BANP: variants seen among roughly 807,000 people sequenced by gnomAD.
BANP encodes the protein protein BANP.
Under a neutral mutation model 68.1 loss-of-function variants are expected in BANP, and 11 were observed. The ratio of observed to expected loss-of-function variants is 0.16; its 90% CI spans 0.10 to 0.27. The LOEUF (loss-of-function observed/expected upper bound fraction) is 0.27. Ranked by LOEUF, BANP falls within the 10% of genes least tolerant of loss-of-function variation. BANP has a pLI of 1.00. For missense variants in BANP, 504 were observed against 722.7 expected, an observed-to-expected ratio of 0.70 and a Z score of 3.47; for synonymous variants, 329 against 303.2, an observed-to-expected ratio of 1.09 and a Z score of -0.88.
At chr16:88,035,806 G>T (rs1356774963) in intron 10 of BANP, among the ~76,000 whole-genome samples, 1 of 152,236 alleles carries the variant, frequency 6.6e-6, no homozygotes, top group African/African-American at 2.4e-5. Flanking sequence ...GCTTCCTAGT[G>T]GCCTCTACGG....
At chr16:88,039,953 C>G (rs1170318246) in intron 11 of BANP, among the ~76,000 whole-genome samples, 3 of 152,238 alleles carry the variant, frequency 2.0e-5, no homozygotes, top group Admixed American at 2.0e-4. Flanking sequence ...AGCTGCCGTA[C>G]TACCACTTTT....
At position 88,068,765 on chromosome 16, in the gene BANP, G is replaced by C. The variant is rs552264755; in HGVS notation, c.1378-3304G>C. 1.1e-4 allele frequency among the ~76,000 whole-genome samples: 17 copies of C among 152,154 alleles called. No homozygotes were observed. The East Asian group carries it at 1.7e-3, about 16-fold the overall frequency. The stretch of plus-strand genomic sequence containing the variant: ...CCCCTTTCCAAGTGCAGCCTTGCCC[G>C]GTCTGTTCCCAGGCATCACTGAAAA... On this transcript the variant is annotated intron_variant, in intron 12 of 13. Transcript: ENST00000682872.
chr16:88,071,374 G>T lies in BANP; in HGVS notation c.1378-695G>T, dbSNP rs1013294766. ...GCCCAGTGGATTGAGTGGGAAGTGG[G>T]CCTGGGTGCTTACAGGCGATGGGGT... is the stretch of plus-strand genomic sequence containing the variant. On this transcript the variant is annotated intron_variant, in intron 12 of 13. Transcript: ENST00000682872. The surrounding 1 kb of genome is among the most constrained non-coding windows in gnomAD (Gnocchi z 6.5). The T allele has an allele frequency of 1.7e-5, 7 of 414,642 alleles. No homozygotes were observed. The highest frequency in any genetic ancestry group is 1.4e-4 in the African/African-American group (7 of 48,842). The allele number at this position is 414,642 out of a possible 1,614,324, so 25.7% of individuals were successfully genotyped here. A position where few individuals can be genotyped will look rare whatever the true frequency, so the allele number is the denominator to read the frequency against.
intron 8 of BANP, among the ~76,000 whole-genome samples, chr16:88,028,367 T>C (rs2077419208): frequency 6.6e-6 from 1 of 152,228 alleles, no homozygotes; most frequent in Admixed American, 6.5e-5. Context: ...GGGAACCCTT[T>C]GTTCTGGAAG....
chr16:87,983,963 A>G lies in BANP; in HGVS notation c.163-97A>G, dbSNP rs138417540. 1,506 of 1,432,956 alleles carry G rather than the reference A, an allele frequency of 1.1e-3. 19 individuals are homozygous for G. The African/African-American group carries it at 0.02, about 19-fold the overall frequency. 88.8% of individuals were successfully genotyped at this position (1,432,956 alleles called of 1,614,324 possible). A position where few individuals can be genotyped will look rare whatever the true frequency, so the allele number is the denominator to read the frequency against. On this transcript the variant is annotated intron_variant, in intron 3 of 13. Transcript: ENST00000682872. ...TGGGGATTGTTCTGTCTGAATAGATAGAGTTGAGATCAGGAAATAGCTGTT... is the reference window on the plus strand; with the variant it reads ...TGGGGATTGTTCTGTCTGAATAGATGGAGTTGAGATCAGGAAATAGCTGTT...
chr16:88,044,863 T>G (rs8049059), intron 11 of BANP, among the ~76,000 whole-genome samples: 37,791 of 151,850 alleles, frequency 0.25, 5,872 homozygotes, highest in African/African-American at 0.44. Flanking sequence ...GCGCCTGTAG[T>G]CTCAGCTACT....
chr16:88,063,190 G>A (rs554638501), intron 11 of BANP, among the ~76,000 whole-genome samples: 1 of 152,340 alleles, frequency 6.6e-6, no homozygotes, highest in East Asian at 1.9e-4. Context: ...ATTTCTGCGT[G>A]TTTCACGGCG....
intron 1 of BANP, chr16:87,952,462 A>C (rs1372870906): frequency 6.6e-6 from 1 of 152,242 alleles, no homozygotes; most frequent in Non-Finnish European, 1.5e-5. Context: ...AATGTACTCC[A>C]GGGCCTGATG....
In BANP at chr16:87,966,238, G is replaced by T. The variant is rs761816066; in HGVS notation, c.-68-8810G>T. On this transcript the variant is annotated intron_variant, in intron 1 of 13. Transcript: ENST00000682872. ...CACTCCTGTTCTGCTGTACATTCAG[G>T]GTGTTACTCTGGGCTGTAGGCCCTG... 9.2e-5 allele frequency among the ~76,000 whole-genome samples: 14 copies of T among 152,206 alleles called. No homozygotes were observed. The East Asian group carries it at 9.7e-4, about 10-fold the overall frequency.
At chr16:88,052,446 C>T (rs1041920322) in intron 11 of BANP, among the ~76,000 whole-genome samples, 4 of 152,080 alleles carry the variant, frequency 2.6e-5, no homozygotes, top group Non-Finnish European at 4.4e-5. Context: ...AGACAGTAGA[C>T]AGGAGCTTTT....
At chr16:87,999,066 C>T (rs924119470) in intron 4 of BANP, among the ~76,000 whole-genome samples, 1 of 142,032 alleles carries the variant, frequency 7.0e-6, no homozygotes, top group Non-Finnish European at 1.5e-5. Flanking sequence ...CCAGACACGT[C>T]TCCATGCACG....
chr16:87,980,880 C>T, intron 2 of BANP, 156 bp from the exon 3 acceptor site: 1 of 604,534 alleles, frequency 1.7e-6, no homozygotes, highest in Non-Finnish European at 2.9e-6. Context: ...GTTTTTCTGC[C>T]TGACTGAGAA....
intron 1 of BANP, among the ~76,000 whole-genome samples, chr16:87,964,814 G>A (rs953584522): frequency 6.6e-6 from 1 of 152,206 alleles, no homozygotes; most frequent in Non-Finnish European, 1.5e-5. Flanking sequence ...CAGGAGGCCT[G>A]AGGTTTTGGC....
At chr16:88,027,729 T>C (rs2077273548) in intron 8 of BANP, 79 bp downstream of exon 8, 2 of 1,539,978 alleles carry the variant, frequency 1.3e-6, no homozygotes, top group Non-Finnish European at 1.8e-6. Context: ...GGGCAGCCAG[T>C]GCGTGGCCAG....
intron 11 of BANP, among the ~76,000 whole-genome samples, chr16:88,053,808 T>C (rs1212162320): frequency 5.2e-5 from 5 of 96,994 alleles, no homozygotes; most frequent in East Asian, 3.6e-4. Flanking sequence ...CCACCTCTAC[T>C]ATCTCCATCA....
Position 88,073,691 on chromosome 16 carries a change from G to A in BANP, c.1521+1479G>A, listed in dbSNP as rs553619239. 1.4e-3 allele frequency among the ~76,000 whole-genome samples: 215 copies of A among 152,318 alleles called. 1 individual carries two copies. The highest frequency in any genetic ancestry group is 4.9e-3 in the African/African-American group (204 of 41,576). On this transcript the variant is annotated intron_variant, in intron 13 of 13. Transcript: ENST00000682872. ...AGGACGCGTGGCAGCCCCCCGTGCC[G>A]TTCCAGATAGGAGCGCTGCAGGAGG...
In BANP at chr16:88,071,682, G is replaced by T; in HGVS notation, c.1378-387G>T. The stretch of plus-strand genomic sequence containing the variant: ...GTCCTGGCTTGGATTTTAGGCCTCA[G>T]TGGCACTCTGGGAGCGCTTGTGCTC... On this transcript the variant is annotated intron_variant, in intron 12 of 13. Coordinates refer to ENST00000682872, the MANE Select transcript of BANP (RefSeq NM_001386991.1). The surrounding 1 kb of genome is among the most constrained non-coding windows in gnomAD (Gnocchi z 6.5). The T allele has an allele frequency of 2.1e-6, 1 of 484,282 alleles. No individual in the cohort carries two copies. Among genetic ancestry groups the T allele is most frequent in the Non-Finnish European group, 4.1e-6 (1 of 245,652 alleles). The allele number at this position is 484,282 out of a possible 1,614,324, so 30.0% of individuals were successfully genotyped here.
At chr16:88,020,320 C>T (rs1194079054) in intron 7 of BANP, among the ~76,000 whole-genome samples, 2 of 152,246 alleles carry the variant, frequency 1.3e-5, no homozygotes, top group African/African-American at 2.4e-5. Context: ...GCAGCAGGCC[C>T]ACCACCCCCT....
intron 11 of BANP, among the ~76,000 whole-genome samples, chr16:88,061,173 G>C (rs2086668567): frequency 6.6e-6 from 1 of 152,250 alleles, no homozygotes; most frequent in African/African-American, 2.4e-5. Context: ...GCAGAGCACT[G>C]TGGAGACTGC....
Sources: allele counts gnomAD v4.1 joint callset (sites outside exome capture counted in the v4.1 genomes callset), GRCh38; gene constraint gnomAD v4.1.1; non-coding constraint Gnocchi (gnomAD v3.1); transcripts MANE v1.5; gene names NCBI Gene and HGNC (gene_info 2026-07-23, HGNC 2026-07-21).